Variants in SEMA5A observed in about 807,000 individuals in gnomAD.
SEMA5A encodes the protein semaphorin-5A.
In SEMA5A, 55 loss-of-function variants were observed where a neutral mutation model predicts 135.5. The observed-to-expected ratio is 0.41, with a 90% confidence interval of 0.33 to 0.51. The LOEUF (loss-of-function observed/expected upper bound fraction) is 0.51. Ranked by LOEUF, SEMA5A falls within the 20% of genes least tolerant of loss-of-function variation. The pLI is 0.37. For synonymous variants in SEMA5A, 580 were observed against 546.5 expected, an observed-to-expected ratio of 1.06 and a Z score of -0.85; for missense variants, 1,290 against 1,419.9, an observed-to-expected ratio of 0.91 and a Z score of 1.47.
intron 11 of SEMA5A, among the ~76,000 whole-genome samples, chr5:9,156,530 T>C (rs1742965327): frequency 6.6e-6 from 1 of 152,144 alleles, no homozygotes; most frequent in African/African-American, 2.4e-5. Flanking sequence ...GAGGACATCA[T>C]CTGAGACACA....
intron 16 of SEMA5A, 88 bp from the exon 17 acceptor site, chr5:9,066,734 G>T: frequency 8.5e-7 from 1 of 1,174,830 alleles, no homozygotes; most frequent in South Asian, 1.3e-5. Context: ...AAAGATAAGG[G>T]TCTCTAAAAC....
At chr5:9,290,404 A>G (rs1751019466) in intron 5 of SEMA5A, among the ~76,000 whole-genome samples, 1 of 152,186 alleles carries the variant, frequency 6.6e-6, no homozygotes, top group African/African-American at 2.4e-5. Context: ...TATGATATAC[A>G]TATATATACA....
chr5:9,134,261 T>C (rs1741607683), intron 13 of SEMA5A, among the ~76,000 whole-genome samples: 1 of 152,146 alleles, frequency 6.6e-6, no homozygotes, highest in Admixed American at 6.5e-5. Context: ...TCCTCCCACA[T>C]CAGCCACCAG....
chr5:9,142,906 C>T (rs1256300658), intron 12 of SEMA5A, among the ~76,000 whole-genome samples: 3 of 152,130 alleles, frequency 2.0e-5, no homozygotes, highest in East Asian at 1.9e-4. Context: ...GAGCTGAGAT[C>T]GTGCCATTGC....
chr5:9,282,751 G>A (rs1750605983), intron 5 of SEMA5A, among the ~76,000 whole-genome samples: 1 of 152,098 alleles, frequency 6.6e-6, no homozygotes, highest in Non-Finnish European at 1.5e-5. Flanking sequence ...CTTCTCACAT[G>A]TGCACCTCCC....
At chr5:9,346,976 A>T (rs1753905680) in intron 3 of SEMA5A, among the ~76,000 whole-genome samples, 1 of 152,012 alleles carries the variant, frequency 6.6e-6, no homozygotes, top group Admixed American at 6.6e-5. Context: ...CACTTAATAG[A>T]CTACAGTAGA....
At chr5:9,507,778 G>A (rs1255091699) in intron 1 of SEMA5A, among the ~76,000 whole-genome samples, 1 of 152,112 alleles carries the variant, frequency 6.6e-6, no homozygotes, top group Non-Finnish European at 1.5e-5. Flanking sequence ...GCCGAGGCGG[G>A]CGGATCACGA....
chr5:9,353,150 A>AGGAAAGAAAAGGAG (rs1754238663), intron 3 of SEMA5A, among the ~76,000 whole-genome samples: 1 of 82,566 alleles, frequency 1.2e-5, no homozygotes, highest in Non-Finnish European at 2.5e-5. Flanking sequence ...AGGAAAGGAA[A>AGGAAAGAAAAGGAG]GGAAAGGAAA....
chr5:9,368,686 A>G (rs1755014521), intron 3 of SEMA5A, among the ~76,000 whole-genome samples: 1 of 152,196 alleles, frequency 6.6e-6, no homozygotes, highest in Non-Finnish European at 1.5e-5. Flanking sequence ...TTCATTTAGC[A>G]TGATACTCTG....
intron 1 of SEMA5A, among the ~76,000 whole-genome samples, chr5:9,540,144 G>A (rs1431754182): frequency 1.3e-5 from 2 of 152,116 alleles, no homozygotes; most frequent in East Asian, 3.9e-4. Context: ...TACCCAAGAT[G>A]GCCCGAGAGC....
intron 5 of SEMA5A, among the ~76,000 whole-genome samples, chr5:9,239,889 G>A (rs1283452561): frequency 6.6e-6 from 1 of 152,044 alleles, no homozygotes; most frequent in African/African-American, 2.4e-5. Flanking sequence ...GCTATAAAGA[G>A]AAGGATTAGT....
At chr5:9,416,944 G>C (rs368226) in intron 2 of SEMA5A, among the ~76,000 whole-genome samples, 135,994 of 152,266 alleles carry the variant, frequency 0.89, 61,230 homozygotes, top group Middle Eastern at 0.97. Flanking sequence ...AAGAGAGATG[G>C]AATTTAGGTA....
intron 5 of SEMA5A, among the ~76,000 whole-genome samples, chr5:9,289,663 A>AAAAAT (rs1396079876): frequency 6.6e-6 from 1 of 151,838 alleles, no homozygotes; most frequent in Non-Finnish European, 1.5e-5. Context: ...AGACTGTCTC[A>AAAAAT]AAAATAAAAA....
chr5:9,348,354 T>C (rs1753968496), intron 3 of SEMA5A, among the ~76,000 whole-genome samples: 1 of 152,220 alleles, frequency 6.6e-6, no homozygotes, highest in Non-Finnish European at 1.5e-5. Flanking sequence ...AGACAGATTT[T>C]TTTTAAATTT....
chr5:9,182,156 A>ACC (rs1560995487), intron 11 of SEMA5A, among the ~76,000 whole-genome samples: 3 of 109,728 alleles, frequency 2.7e-5, no homozygotes, highest in African/African-American at 7.6e-5. Context: ...TCTGCCCCCC[A>ACC]CCCCAAAAAA....
intron 2 of SEMA5A, among the ~76,000 whole-genome samples, chr5:9,429,683 G>A (rs968338842): frequency 1.3e-5 from 2 of 152,230 alleles, no homozygotes; most frequent in African/African-American, 4.8e-5. Context: ...GGGATCTTCA[G>A]GTAAAGAGTG....
At chr5:9,285,538 T>C (rs1750755130) in intron 5 of SEMA5A, among the ~76,000 whole-genome samples, 1 of 152,218 alleles carries the variant, frequency 6.6e-6, no homozygotes, top group South Asian at 2.1e-4. Flanking sequence ...ACTTGCCCCA[T>C]TAAAACTATC....
intron 11 of SEMA5A, among the ~76,000 whole-genome samples, chr5:9,165,247 T>C (rs1453138173): frequency 6.6e-6 from 1 of 152,128 alleles, no homozygotes; most frequent in Non-Finnish European, 1.5e-5. Context: ...GGTAGAAATG[T>C]AATATATCTG....
chr5:9,242,599 C>A (rs1004010354), intron 5 of SEMA5A, among the ~76,000 whole-genome samples: 4 of 152,018 alleles, frequency 2.6e-5, no homozygotes, highest in African/African-American at 9.7e-5. Flanking sequence ...ATACACTAGA[C>A]TTTGAGGACT....
Sources: allele counts gnomAD v4.1 joint callset (sites outside exome capture counted in the v4.1 genomes callset), GRCh38; gene constraint gnomAD v4.1.1; transcripts MANE v1.5; gene names NCBI Gene and HGNC (gene_info 2026-07-23, HGNC 2026-07-21).